HTT: variants seen among roughly 807,000 people sequenced by gnomAD.
HTT encodes the protein huntingtin, also known as huntington disease protein.
Under a neutral mutation model 362.3 loss-of-function variants are expected in HTT, and 104 were observed. That is an observed-to-expected ratio of 0.29 (90% confidence interval 0.24 to 0.34). The LOEUF (loss-of-function observed/expected upper bound fraction) is 0.34, where lower values mean the gene tolerates loss of function less well. Ranked by LOEUF, HTT falls within the 10% of genes least tolerant of loss-of-function variation. The pLI, the probability that HTT is intolerant of heterozygous loss-of-function variation, is 1.00. For missense variants in HTT, 3,301 were observed against 3,928.6 expected (o/e 0.84, Z 4.27); for synonymous variants, 1,577 against 1,548.7 (o/e 1.02, Z -0.43).
chr4:3,194,827 T>G (rs1449645963), intron 40 of HTT, among the ~76,000 whole-genome samples: 1 of 152,146 alleles, frequency 6.6e-6, no homozygotes, highest in Non-Finnish European at 1.5e-5. Flanking sequence ...CTTTCTATAG[T>G]AATAAAGTTG....
At chr4:3,221,210 G>A (rs1720655701) in intron 53 of HTT, among the ~76,000 whole-genome samples, 1 of 152,158 alleles carries the variant, frequency 6.6e-6, no homozygotes, top group South Asian at 2.1e-4. Context: ...GATCCCAGAA[G>A]GTTGTGGCAG....
At chr4:3,171,364 G>A (rs1307496544) in intron 29 of HTT, among the ~76,000 whole-genome samples, 8 of 152,030 alleles carry the variant, frequency 5.3e-5, no homozygotes, top group South Asian at 2.1e-4. Flanking sequence ...AAACCAGTTC[G>A]TGATTAGCCA....
In HTT at chr4:3,241,287, CCT is replaced by C. The variant is rs1279457355; in HGVS notation, c.*1229_*1230del. The C allele has an allele frequency of 6.6e-6, 1 of 152,412 alleles. No individual in the cohort carries two copies. The highest frequency in any genetic ancestry group is 2.4e-5 in the African/African-American group (1 of 41,460). The allele number at this position is 152,412 out of a possible 1,614,324, so 9.4% of individuals were successfully genotyped here. A position where few individuals can be genotyped will look rare whatever the true frequency, so the allele number is the denominator to read the frequency against. On this transcript the variant is annotated 3_prime_UTR_variant, in exon 67 of 67. Coordinates refer to ENST00000355072, the MANE Select transcript of HTT (RefSeq NM_001388492.1). ...CCAGCTGACATCTTGCACGGTGACC[CCT>C]TTTAGTCAGGAGAGTGCAGATCTGT...
intron 12 of HTT, chr4:3,129,660 A>T: frequency 3.2e-6 from 1 of 316,842 alleles, no homozygotes; most frequent in Middle Eastern, 9.3e-4. Flanking sequence ...TTTCTTTTTC[A>T]TATTAAAAAG....
Position 3,134,412 on chromosome 4 carries a change from G to A in HTT, c.2505G>A (p.Met835Ile). ...ACCTTGTGTTCCAGAACTGTGTCAT[G>A]AGTCTCTGCAGCAGCAGCTACAGTG... The part of the protein sequence containing the change: ...LACTAVRNCV[M>I]SLCSSSYSEL... Residue 835 changes from methionine (M) to isoleucine (I), a missense_variant, in exon 19 of 67, where the codon ATG becomes ATA. Around this residue, in one of 4 missense-constraint regions of HTT, gnomAD observed 2,316 missense variants for 2,658.5 expected, o/e 0.87. Transcript: ENST00000355072. The A allele has an allele frequency of 2.5e-6, 4 of 1,613,848 alleles. No individual in the cohort carries two copies. The highest frequency in any genetic ancestry group is 3.4e-6 in the Non-Finnish European group (4 of 1,179,874).
chr4:3,105,566 T>G (rs1283376786), intron 5 of HTT, 130 bp downstream of exon 5: 5 of 679,992 alleles, frequency 7.4e-6, no homozygotes, highest in Non-Finnish European at 1.4e-5. Flanking sequence ...TTGCCCTGTT[T>G]ATGTTTCCCT....
At chr4:3,169,523 C>T (rs1350848616) in intron 29 of HTT, among the ~76,000 whole-genome samples, 1 of 150,778 alleles carries the variant, frequency 6.6e-6, no homozygotes. Context: ...TTTTCTTCTA[C>T]AGTGTCTACT....
chr4:3,214,057 T>C lies in HTT; in HGVS notation c.6874T>C (p.Trp2292Arg). The change falls in exon 50 of 67, where the codon TGG (tryptophan) becomes CGG (arginine). Residue 2292 changes from tryptophan (W) to arginine (R), a missense_variant. Physicochemically the swap from Trp to Arg is moderately radical, Grantham distance 101. Around this residue, in one of 4 missense-constraint regions of HTT, gnomAD observed 220 missense variants for 218.5 expected, o/e 1.01. Coordinates refer to ENST00000355072, the MANE Select transcript of HTT (RefSeq NM_001388492.1). ...CCTGGCCCTGCAGCTGCCTGGCCTC[T>C]GGAGCGTGGTCTCCTCCACAGAGTT... ...CCLALQLPGL[W>R]SVVSSTEFVT... 1.2e-6 allele frequency: 2 copies of C among 1,609,962 alleles called. No homozygotes were observed. Among genetic ancestry groups the C allele is most frequent in the African/African-American group, 1.3e-5 (1 of 74,908 alleles).
intron 64 of HTT, among the ~76,000 whole-genome samples, chr4:3,238,077 C>T (rs1721624269): frequency 6.6e-6 from 1 of 151,562 alleles, no homozygotes; most frequent in South Asian, 2.1e-4. Flanking sequence ...CTTTATGTAG[C>T]TTTCAAACTC....
chr4:3,164,957 T>C (rs1717627736), intron 29 of HTT, among the ~76,000 whole-genome samples: 1 of 152,250 alleles, frequency 6.6e-6, no homozygotes, highest in Non-Finnish European at 1.5e-5. Flanking sequence ...AATTTGATCC[T>C]GTCATTATGA....
chr4:3,100,510 C>T (rs1256973724), intron 3 of HTT, among the ~76,000 whole-genome samples: 2 of 152,202 alleles, frequency 1.3e-5, no homozygotes, highest in Non-Finnish European at 2.9e-5. Context: ...CCTGTCTTGT[C>T]CCTAGAGTGG....
chr4:3,146,186 C>T (rs1716589922), intron 24 of HTT, among the ~76,000 whole-genome samples: 1 of 152,152 alleles, frequency 6.6e-6, no homozygotes, highest in African/African-American at 2.4e-5. Context: ...CAGTCAGCAC[C>T]TCAGGTGGTT....
intron 26 of HTT, among the ~76,000 whole-genome samples, chr4:3,152,405 A>G (rs962423812): frequency 2.3e-4 from 35 of 151,912 alleles, no homozygotes; most frequent in African/African-American, 8.0e-4. Context: ...GCCAGGAAAC[A>G]GCATTCTTGA....
chr4:3,206,597 C>A lies in HTT; in HGVS notation c.5820C>A (p.Ile1940=). The A allele has an allele frequency of 6.2e-7, 1 of 1,614,158 alleles. No homozygotes were observed. The highest frequency in any genetic ancestry group is 8.5e-7 in the Non-Finnish European group (1 of 1,180,006). Reference sequence around the variant, plus strand: ...ACGAGCCTCCAGTACAGGACTTCATCAGTGCCGTTCATCGGAACTCTGCTG... The same window carrying A: ...ACGAGCCTCCAGTACAGGACTTCATAAGTGCCGTTCATCGGAACTCTGCTG... ...LSHEPPVQDF[I]SAVHRNSAAS... The change falls in exon 43 of 67, where the codon ATC becomes ATA. Residue 1940 remains isoleucine, a synonymous_variant. Transcript: ENST00000355072. This position sits in a 1 kb window ranked among gnomAD's most constrained non-coding sequence, Gnocchi z 4.6.
At chr4:3,093,770 C>T (rs1188637301) in intron 2 of HTT, among the ~76,000 whole-genome samples, 1 of 150,662 alleles carries the variant, frequency 6.6e-6, no homozygotes, top group Non-Finnish European at 1.5e-5. Flanking sequence ...AGCTATAAGC[C>T]AAGGAATGCA....
chr4:3,240,131 T>G lies in HTT; in HGVS notation c.*72T>G. On this transcript the variant is annotated 3_prime_UTR_variant, in exon 67 of 67. Coordinates refer to ENST00000355072, the MANE Select transcript of HTT (RefSeq NM_001388492.1). ...TTTGGAAGTCTGCGCCCTTGTGCCC[T>G]GCCTCCACCGAGCCAGCTTGGTCCC... 1 of 1,327,348 alleles carries G rather than the reference T, an allele frequency of 7.5e-7. No homozygotes were observed. The allele number at this position is 1,327,348 out of a possible 1,614,324, so 82.2% of individuals were successfully genotyped here.
chr4:3,143,207 T>C (rs1040809738), intron 23 of HTT, among the ~76,000 whole-genome samples: 4 of 152,034 alleles, frequency 2.6e-5, no homozygotes, highest in South Asian at 2.1e-4. Flanking sequence ...GAGGCCAAGG[T>C]TGGGGGCTCA....
intron 29 of HTT, among the ~76,000 whole-genome samples, chr4:3,168,369 G>A (rs951184812): frequency 2.6e-5 from 4 of 152,208 alleles, no homozygotes; most frequent in Non-Finnish European, 4.4e-5. Context: ...TTGATGTGGC[G>A]ACGGGTATGA....
intron 12 of HTT, among the ~76,000 whole-genome samples, chr4:3,127,816 T>C (rs565483577): frequency 6.6e-6 from 1 of 151,390 alleles, no homozygotes; most frequent in East Asian, 2.0e-4. Context: ...ATACAAAAAT[T>C]AGTTGGGCGT....
Sources: allele counts gnomAD v4.1 joint callset (sites outside exome capture counted in the v4.1 genomes callset), GRCh38; gene constraint gnomAD v4.1.1; regional missense constraint gnomAD v4.1.1; non-coding constraint Gnocchi (gnomAD v3.1); transcripts MANE v1.5; gene names NCBI Gene and HGNC (gene_info 2026-07-23, HGNC 2026-07-21).